PLD1: variants seen among roughly 807,000 people sequenced by gnomAD.
The protein encoded by PLD1 is choline phosphatase 1.
Under a neutral mutation model 137.1 loss-of-function variants are expected in PLD1, and 112 were observed. That is an observed-to-expected ratio of 0.82 (90% CI 0.70 to 0.96). The LOEUF (loss-of-function observed/expected upper bound fraction) is 0.96, where lower values mean the gene tolerates loss of function less well. Among genes scored for constraint, PLD1 ranks in the 40% least tolerant of loss-of-function variants. The pLI, the probability that PLD1 is intolerant of heterozygous loss-of-function variation, is 0.00. For missense variants in PLD1, 1,321 were observed against 1,342.0 expected (o/e 0.98, Z 0.24); for synonymous variants, 431 against 454.7 (o/e 0.95, Z 0.66).
At chr3:171,702,329 A>T (rs913723657) in intron 11 of PLD1, among the ~76,000 whole-genome samples, 4 of 152,010 alleles carry the variant, frequency 2.6e-5, no homozygotes, top group Non-Finnish European at 5.9e-5. Flanking sequence ...CTACGAAAAA[A>T]TTTAAAAAAT....
chr3:171,608,800 C>T (rs1029391689), intron 25 of PLD1, among the ~76,000 whole-genome samples: 27 of 151,868 alleles, frequency 1.8e-4, no homozygotes, highest in African/African-American at 6.3e-4. Context: ...CAAACAAGCA[C>T]CAGGAGAAGA....
In PLD1 at chr3:171,751,322, A is replaced by C. The variant is rs1720641664; in HGVS notation, c.-31-13240T>G. On this transcript the variant is annotated intron_variant, in intron 1 of 26. Transcript: ENST00000351298. ...ACAAACCATAAAGGAAAAGCTATAA[A>C]TTCAACTACTCTAAAGTTTAAAACG... 2.6e-5 allele frequency among the ~76,000 whole-genome samples: 4 copies of C among 152,344 alleles called. No individual in the cohort carries two copies. In the South Asian group the frequency reaches 8.3e-4, roughly 32 times the overall value.
Position 171,686,733 on chromosome 3 carries a change from A to C in PLD1, c.1819T>G (p.Phe607Val). 1 of 1,610,290 alleles carries C rather than the reference A, an allele frequency of 6.2e-7. No homozygotes were observed. The highest frequency in any genetic ancestry group is 8.5e-7 in the Non-Finnish European group (1 of 1,176,542). The change falls in exon 16 of 27, where the codon TTT becomes GTT. Residue 607 changes from phenylalanine to valine, a missense_variant. Transcript: ENST00000351298. ...TGCTCAGACTCACTGGACGGGTGAA[A>C]GAGTTTGAAGTGGGGTTTTAAACCA... ...IHGLKPHFKL[F>V]HPSSESEQGL...
chr3:171,708,521 A>C (rs1716878521), intron 11 of PLD1, among the ~76,000 whole-genome samples: 5 of 152,242 alleles, frequency 3.3e-5, no homozygotes, highest in Admixed American at 3.3e-4. Context: ...GTCTGCTTCC[A>C]AATGCAAATA....
intron 1 of PLD1, among the ~76,000 whole-genome samples, chr3:171,796,520 A>T (rs150973852): frequency 1.3e-3 from 197 of 152,368 alleles, no homozygotes; most frequent in African/African-American, 4.6e-3. Context: ...GTTATACATA[A>T]GCCATTAACT....
At chr3:171,759,281 A>G (rs923158595) in intron 1 of PLD1, among the ~76,000 whole-genome samples, 1 of 152,160 alleles carries the variant, frequency 6.6e-6, no homozygotes, top group East Asian at 1.9e-4. Flanking sequence ...AAGAGAGTTC[A>G]TTTTGCTCAA....
intron 8 of PLD1, among the ~76,000 whole-genome samples, chr3:171,714,873 A>G (rs2108218659): frequency 6.6e-6 from 1 of 152,366 alleles, no homozygotes; most frequent in East Asian, 1.9e-4. Context: ...TCAAGGTCAC[A>G]GAAAGTAAAT....
At chr3:171,798,184 A>T (rs187810958) in intron 1 of PLD1, among the ~76,000 whole-genome samples, 25 of 152,360 alleles carry the variant, frequency 1.6e-4, no homozygotes, top group African/African-American at 6.0e-4. Flanking sequence ...TGTGGGATAC[A>T]GAACTAAATG....
At chr3:171,620,909 G>C (rs941399631) in intron 23 of PLD1, among the ~76,000 whole-genome samples, 1 of 151,766 alleles carries the variant, frequency 6.6e-6, no homozygotes, top group African/African-American at 2.4e-5. Flanking sequence ...AACTGAGCTG[G>C]AATAGATTAA....
chr3:171,674,725 C>G (rs1713156199), intron 18 of PLD1, 112 bp from the exon 19 acceptor site: 1 of 557,694 alleles, frequency 1.8e-6, no homozygotes, highest in Admixed American at 3.0e-5. Flanking sequence ...CGCCTGTAAT[C>G]CCAGCACTTT....
intron 15 of PLD1, 152 bp downstream of exon 15, chr3:171,687,219 G>A: frequency 1.6e-6 from 1 of 641,998 alleles, no homozygotes; most frequent in Non-Finnish European, 2.7e-6. Context: ...CCACCAAATG[G>A]CATGAGGTTG....
At chr3:171,636,232 T>A (rs1026481715) in intron 23 of PLD1, among the ~76,000 whole-genome samples, 5 of 152,178 alleles carry the variant, frequency 3.3e-5, no homozygotes, top group South Asian at 2.1e-4. Flanking sequence ...CAATTTGTTC[T>A]TATTCAAGAT....
chr3:171,646,242 G>A (rs887578888), intron 21 of PLD1, among the ~76,000 whole-genome samples: 1 of 152,204 alleles, frequency 6.6e-6, no homozygotes, highest in Non-Finnish European at 1.5e-5. Context: ...TATCCGGGAG[G>A]ACTATATTCA....
Position 171,734,987 on chromosome 3 carries a change from C to A in PLD1, c.435-17G>T. On this transcript the variant is annotated splice_polypyrimidine_tract_variant and intron_variant, in intron 4 of 26. Coordinates refer to ENST00000351298, the MANE Select transcript of PLD1 (RefSeq NM_002662.5). ...AACGTGTGTCTAAAACACAAACACA[C>A]AGAATGCAAACACCTACTAGATTAT... 2 of 1,426,572 alleles carry A rather than the reference C, an allele frequency of 1.4e-6. No homozygotes were observed. The highest frequency in any genetic ancestry group is 2.0e-6 in the Non-Finnish European group (2 of 1,009,594). 88.4% of individuals were successfully genotyped at this position (1,426,572 alleles called of 1,614,324 possible).
chr3:171,785,509 G>A (rs1322365614), intron 1 of PLD1, among the ~76,000 whole-genome samples: 3 of 150,766 alleles, frequency 2.0e-5, no homozygotes, highest in Non-Finnish European at 4.4e-5. Flanking sequence ...CATGATCTCA[G>A]CTCATGGCAA....
chr3:171,606,230 T>C (rs1732191854), intron 25 of PLD1, among the ~76,000 whole-genome samples: 1 of 152,200 alleles, frequency 6.6e-6, no homozygotes, highest in South Asian at 2.1e-4. Context: ...TGAGCAACTA[T>C]AATAATGTAC....
At chr3:171,699,942 T>C in intron 11 of PLD1, 116 bp from the exon 12 acceptor site, 1 of 754,102 alleles carries the variant, frequency 1.3e-6, no homozygotes, top group South Asian at 1.6e-5. Flanking sequence ...TCCTCCATTG[T>C]GATGGGTAAT....
At chr3:171,746,287 A>C (rs1436689986) in intron 1 of PLD1, among the ~76,000 whole-genome samples, 1 of 152,208 alleles carries the variant, frequency 6.6e-6, no homozygotes, top group Non-Finnish European at 1.5e-5. Context: ...ACTGGCGGGC[A>C]GCTCAGCCTG....
Position 171,734,869 on chromosome 3 carries a change from C to T in PLD1, c.536G>A (p.Arg179Lys). 1 of 1,590,786 alleles carries T rather than the reference C, an allele frequency of 6.3e-7. No homozygotes were observed. Among genetic ancestry groups the T allele is most frequent in the Non-Finnish European group, 8.6e-7 (1 of 1,158,962 alleles). The change falls in exon 5 of 27, where the codon AGA becomes AAA. Residue 179 changes from arginine (R) to lysine (K), a missense_variant. Transcript: ENST00000351298. ...CAGAATAGTGAAGAAACTTACTCTT[C>T]TACCAAGGAATTGTTCTTCTCTTAT... is the stretch of plus-strand genomic sequence containing the variant. ...NMIREEQFLGRRKQLEDYLTK... is the reference protein window; with the variant it reads ...NMIREEQFLGKRKQLEDYLTK...
Sources: allele counts gnomAD v4.1 joint callset (sites outside exome capture counted in the v4.1 genomes callset), GRCh38; gene constraint gnomAD v4.1.1; transcripts MANE v1.5; gene names NCBI Gene and HGNC (gene_info 2026-07-23, HGNC 2026-07-21).